Variants in POLR2J observed in about 807,000 individuals in gnomAD.
POLR2J encodes the protein DNA-directed RNA polymerase II subunit RPB11-a.
POLR2J carries 12 observed loss-of-function variants against 13.4 expected under a neutral mutation model. The observed-to-expected ratio is 0.90, with a 90% confidence interval of 0.57 to 1.45. The LOEUF is 1.45. Ranked by LOEUF, POLR2J falls within the 40% of genes most tolerant of loss-of-function variation. The pLI is 0.00. For missense variants in POLR2J, 58 were observed against 132.0 expected (o/e 0.44, Z 2.75); for synonymous variants, 31 against 53.6 (o/e 0.58, Z 1.84).
At chr7:102,478,006 G>A (rs1380943730) in intron 1 of POLR2J, among the ~76,000 whole-genome samples, 1 of 112,986 alleles carries the variant, frequency 8.9e-6, no homozygotes. Flanking sequence ...TTTTTGAAAC[G>A]GAGTTTCGCT....
chr7:102,478,876 GC>G lies in POLR2J; in HGVS notation c.-17del. ...GGGCGTTCATGCTCCCGCCGCCGTT[GC>G]GTCCAGACCCCAAGGGTCCGCCGCC... On this transcript the variant is annotated 5_prime_UTR_variant, in exon 1 of 4. Transcript: ENST00000292614. 6.2e-7 allele frequency: 1 copy of G among 1,610,512 alleles called. No homozygotes were observed. The highest frequency in any genetic ancestry group is 8.5e-7 in the Non-Finnish European group (1 of 1,179,624).
At position 102,474,215 on chromosome 7, in the gene POLR2J, G is replaced by A; in HGVS notation, c.318+146C>T. ...CACAGCCCCTCAGTCCACATGTCCT[G>A]GAGCCTGTGGTGGAAGTCCCTGCTC... On this transcript the variant is annotated intron_variant, in intron 3 of 3. Coordinates refer to ENST00000292614, the MANE Select transcript of POLR2J (RefSeq NM_006234.6). 5.8e-6 allele frequency: 9 copies of A among 1,559,260 alleles called. No homozygotes were observed. In the South Asian group the frequency reaches 7.0e-5, roughly 12 times the overall value.
At chr7:102,476,357 GT>G in intron 1 of POLR2J, 87 bp from the exon 2 acceptor site, 1 of 569,584 alleles carries the variant, frequency 1.8e-6, no homozygotes, top group Non-Finnish European at 3.2e-6. Flanking sequence ...CCGGCCAGGT[GT>G]GGTGGCTCGT....
At chr7:102,475,480 A>G (rs1273808269) in intron 2 of POLR2J, among the ~76,000 whole-genome samples, 1 of 152,250 alleles carries the variant, frequency 6.6e-6, no homozygotes, top group South Asian at 2.1e-4. Flanking sequence ...TGCCACATAC[A>G]TCTTAGAGGC....
At position 102,473,482 on chromosome 7, in the gene POLR2J, A is replaced by AT. The variant is rs766934593; in HGVS notation, c.*166dup. 7 of 829,364 alleles carry AT rather than the reference A, an allele frequency of 8.4e-6. 1 individual carries two copies. The Middle Eastern group carries it at 1.4e-3, about 167-fold the overall frequency. The allele number at this position is 829,364 out of a possible 1,614,324, so 51.4% of individuals were successfully genotyped here. A position where few individuals can be genotyped will look rare whatever the true frequency, so the allele number is the denominator to read the frequency against. ...TCTCTCCCGCTATACTTTATTAGGA[A>AT]TATAAAACCTAATCTATGTACAGGA... On this transcript the variant is annotated 3_prime_UTR_variant, in exon 4 of 4. Transcript: ENST00000292614.
Position 102,473,469 on chromosome 7 carries a change from T to C in POLR2J, c.*180A>G, listed in dbSNP as rs553731044. 24 of 866,162 alleles carry C rather than the reference T, an allele frequency of 2.8e-5. No individual in the cohort carries two copies. In the South Asian group the frequency reaches 3.8e-4, roughly 14 times the overall value. 53.7% of individuals were successfully genotyped at this position (866,162 alleles called of 1,614,324 possible). The stretch of plus-strand genomic sequence containing the variant: ...GTCCACATCCAGGTCTCTCCCGCTA[T>C]ACTTTATTAGGAATATAAAACCTAA... On this transcript the variant is annotated 3_prime_UTR_variant, in exon 4 of 4. Coordinates refer to ENST00000292614, the MANE Select transcript of POLR2J (RefSeq NM_006234.6).
rs1425183504 is a variant in POLR2J, at chr7:102,473,379, G to GAAAC, written c.*266_*269dup. On this transcript the variant is annotated 3_prime_UTR_variant, in exon 4 of 4. Transcript: ENST00000292614. ...TCATCCCTGCCAGCCGGACGCCCCT[G>GAAAC]AAACAGGTCATCTGCCTGCATCAAG... 1.2e-5 allele frequency: 7 copies of GAAAC among 590,860 alleles called. No homozygotes were observed. The highest frequency in any genetic ancestry group is 7.2e-5 in the South Asian group (3 of 41,812). 36.6% of individuals were successfully genotyped at this position (590,860 alleles called of 1,614,324 possible).
At position 102,473,609 on chromosome 7, in the gene POLR2J, G is replaced by A. The variant is rs1398949164; in HGVS notation, c.*40C>T. On this transcript the variant is annotated 3_prime_UTR_variant, in exon 4 of 4. Transcript: ENST00000292614. ...TGGAGCGGAGGGTCAGGCACAGGTA[G>A]GAACGGGGCTCACAGGCCGAGCAGA... is the stretch of plus-strand genomic sequence containing the variant. 4 of 1,612,214 alleles carry A rather than the reference G, an allele frequency of 2.5e-6. No individual in the cohort carries two copies. Among genetic ancestry groups the A allele is most frequent in the African/African-American group, 2.7e-5 (2 of 74,642 alleles).
Position 102,473,872 on chromosome 7 carries a change from C to G in POLR2J, c.319-188G>C, listed in dbSNP as rs1010312494. The G allele has an allele frequency of 3.5e-6, 5 of 1,441,930 alleles. No individual in the cohort carries two copies. In the African/African-American group the frequency reaches 5.7e-5, roughly 17 times the overall value. 89.3% of individuals were successfully genotyped at this position (1,441,930 alleles called of 1,614,324 possible). A position where few individuals can be genotyped will look rare whatever the true frequency, so the allele number is the denominator to read the frequency against. On this transcript the variant is annotated intron_variant, in intron 3 of 3. Coordinates refer to ENST00000292614, the MANE Select transcript of POLR2J (RefSeq NM_006234.6). ...ATCCAGCCATTCTCTATGGCAGCCCCGGCAGGAGTCAGAGGCCCCAGAGGC... is the reference window on the plus strand; with the variant it reads ...ATCCAGCCATTCTCTATGGCAGCCCGGGCAGGAGTCAGAGGCCCCAGAGGC...
intron 3 of POLR2J, 198 bp downstream of exon 3, chr7:102,474,163 G>A (rs1040184612): frequency 2.7e-5 from 42 of 1,537,146 alleles, no homozygotes; most frequent in Non-Finnish European, 3.3e-5. Context: ...GTCCCATGGG[G>A]CAGACGGGAG....
intron 2 of POLR2J, 44 bp from the exon 3 acceptor site, chr7:102,474,579 A>T (rs758799967): frequency 7.5e-7 from 1 of 1,335,690 alleles, no homozygotes; most frequent in East Asian, 2.3e-5. Context: ...CCTCATGCCC[A>T]AGCTGGGTAG....
chr7:102,473,693 G>C lies in POLR2J; in HGVS notation c.319-9C>G, dbSNP rs767512786. 1 of 1,613,678 alleles carries C rather than the reference G, an allele frequency of 6.2e-7. No individual in the cohort carries two copies. Among genetic ancestry groups the C allele is most frequent in the Non-Finnish European group, 8.5e-7 (1 of 1,179,842 alleles). ...TTGTCTTTTATGGCCACCTGGGAGA[G>C]AAGAAGGTGGTGGAGACTGAGCTGG... is the stretch of plus-strand genomic sequence containing the variant. On this transcript the variant is annotated splice_polypyrimidine_tract_variant and intron_variant, in intron 3 of 3. Transcript: ENST00000292614.
chr7:102,476,511 A>T (rs1798437185), intron 1 of POLR2J, among the ~76,000 whole-genome samples: 1 of 149,720 alleles, frequency 6.7e-6, no homozygotes, highest in African/African-American at 2.5e-5. Context: ...GTGGTGATCC[A>T]TGCCTGTAGT....
Position 102,473,148 on chromosome 7 carries a change from A to AAACTCTACTG in POLR2J, c.*491_*500dup. On this transcript the variant is annotated 3_prime_UTR_variant, in exon 4 of 4. Transcript: ENST00000292614. ...GGGTCTTTCAGTGAATATTTTTATTAAACTCTACTGTGGACAAGAAGCCTG... is the reference window on the plus strand; with the variant it reads ...GGGTCTTTCAGTGAATATTTTTATTAAACTCTACTGAACTCTACTGTGGACAAGAAGCCTG... The AAACTCTACTG allele has an allele frequency of 7.5e-7, 1 of 1,339,492 alleles. No homozygotes were observed. The highest frequency in any genetic ancestry group is 1.0e-6 in the Non-Finnish European group (1 of 978,642). 83.0% of individuals were successfully genotyped at this position (1,339,492 alleles called of 1,614,324 possible).
chr7:102,478,908 C>T lies in POLR2J; in HGVS notation c.-48G>A, dbSNP rs145506845. 11,055 of 1,606,168 alleles carry T rather than the reference C, an allele frequency of 6.9e-3. 793 individuals carry two copies. In the African/African-American group the frequency reaches 0.13, roughly 20 times the overall value. ...GACCCCAAGGGTCCGCCGCCGCCGC[C>T]ACCAGAGCCCTAATAAGAGGCCTCT... On this transcript the variant is annotated 5_prime_UTR_variant, in exon 1 of 4. Coordinates refer to ENST00000292614, the MANE Select transcript of POLR2J (RefSeq NM_006234.6).
At position 102,473,294 on chromosome 7, in the gene POLR2J, C is replaced by G. The variant is rs1798286639; in HGVS notation, c.*355G>C. The G allele has an allele frequency of 5.1e-6, 3 of 587,932 alleles. No individual in the cohort carries two copies. The highest frequency in any genetic ancestry group is 8.7e-6 in the Non-Finnish European group (3 of 343,032). 36.4% of individuals were successfully genotyped at this position (587,932 alleles called of 1,614,324 possible). A position where few individuals can be genotyped will look rare whatever the true frequency, so the allele number is the denominator to read the frequency against. On this transcript the variant is annotated 3_prime_UTR_variant, in exon 4 of 4. Coordinates refer to ENST00000292614, the MANE Select transcript of POLR2J (RefSeq NM_006234.6). ...AGCTCATGGGTTTGCACACTTCTCT[C>G]CGGCTCAGCACAGCCCCCGCAGCAG...
At chr7:102,474,071 G>C (rs560256718) in intron 3 of POLR2J, 1 of 1,408,890 alleles carries the variant, frequency 7.1e-7, no homozygotes, top group African/African-American at 1.4e-5. Flanking sequence ...AACAAGGGAC[G>C]TAGAAGAGCA....
At chr7:102,478,489 CGA>C (rs1244005590) in intron 1 of POLR2J, among the ~76,000 whole-genome samples, 1 of 151,860 alleles carries the variant, frequency 6.6e-6, no homozygotes, top group African/African-American at 2.4e-5. Flanking sequence ...AGGTGGCGGG[CGA>C]GAGACAAAAG....
Position 102,473,620 on chromosome 7 carries a change from C to T in POLR2J, c.*29G>A, listed in dbSNP as rs1388485261. 1 of 1,603,608 alleles carries T rather than the reference C, an allele frequency of 6.2e-7. No individual in the cohort carries two copies. Among genetic ancestry groups the T allele is most frequent in the African/African-American group, 1.4e-5 (1 of 72,796 alleles). On this transcript the variant is annotated 3_prime_UTR_variant, in exon 4 of 4. Transcript: ENST00000292614. The stretch of plus-strand genomic sequence containing the variant: ...GTCAGGCACAGGTAGGAACGGGGCT[C>T]ACAGGCCGAGCAGAGCCCCCTCTGG...
Sources: gnomAD v4.1 joint callset for allele counts (sites outside exome capture counted in the v4.1 genomes callset) on GRCh38, gnomAD v4.1.1 for gene constraint, MANE v1.5 for transcripts, NCBI Gene and HGNC (gene_info 2026-07-23, HGNC 2026-07-21) for gene names.